The following NTM variants were observed in gnomAD, a reference collection of about 807,000 sequenced individuals.
NTM encodes the protein neurotrimin.
Under a neutral mutation model 42.1 loss-of-function variants are expected in NTM, and 13 were observed. The observed-to-expected ratio is 0.31, with a 90% CI of 0.20 to 0.49. The LOEUF (loss-of-function observed/expected upper bound fraction) is 0.49. Among genes scored for constraint, NTM ranks in the 20% least tolerant of loss-of-function variants. The pLI is 0.99. For synonymous variants in NTM, 187 were observed against 179.2 expected, an observed-to-expected ratio of 1.04 and a Z score of -0.35; for missense variants, 373 against 452.8, an observed-to-expected ratio of 0.82 and a Z score of 1.60.
At chr11:132,276,371 G>T (rs923024736) in intron 4 of NTM, among the ~76,000 whole-genome samples, 1 of 152,044 alleles carries the variant, frequency 6.6e-6, no homozygotes, top group African/African-American at 2.4e-5. Context: ...CGGGATTCTT[G>T]GATCATAAAA....
chr11:132,215,683 G>A (rs927198933), intron 4 of NTM, among the ~76,000 whole-genome samples: 7 of 152,142 alleles, frequency 4.6e-5, no homozygotes, highest in South Asian at 2.1e-4. Context: ...AATAATTTCC[G>A]TATATTATTA....
intron 1 of NTM, among the ~76,000 whole-genome samples, chr11:131,730,136 G>A (rs970890431): frequency 1.3e-5 from 2 of 152,168 alleles, no homozygotes; most frequent in Non-Finnish European, 2.9e-5. Context: ...ATCCTAGTGG[G>A]TGTAAAGTGG....
At position 131,458,577 on chromosome 11, in the gene NTM, G is replaced by A. The variant is rs145689817; in HGVS notation, c.82+87689G>A. On this transcript the variant is annotated intron_variant, in intron 1 of 8. Coordinates refer to ENST00000683400, the MANE Select transcript of NTM (RefSeq NM_001352005.2). ...ACACCCAGCAGGATTTTCATGACGT[G>A]TGTTACTGTCTGTCACTTAGGATAG... Among the ~76,000 whole-genome samples, 70 of 152,276 alleles carry A rather than the reference G, an allele frequency of 4.6e-4. 1 individual carries two copies. The highest frequency in any genetic ancestry group is 1.7e-3 in the African/African-American group (70 of 41,546).
rs2089901793 is a variant in NTM, at chr11:131,789,441, A to AGAAGAAGAAGAAG, written c.83-122122_83-122110dup. Reference sequence around the variant, plus strand: ...AAAAAAAGAAGAAGGAAGAAGAAGAAGAAGAAGAAGAAGAAGAAGAAGAAG... The same window carrying AGAAGAAGAAGAAG: ...AAAAAAAGAAGAAGGAAGAAGAAGAAGAAGAAGAAGAAGGAAGAAGAAGAAGAAGAAGAAGAAG... On this transcript the variant is annotated intron_variant, in intron 1 of 8. Transcript: ENST00000683400. 2.0e-4 allele frequency among the ~76,000 whole-genome samples: 2 copies of AGAAGAAGAAGAAG among 9,866 alleles called. 1 individual carries two copies. The highest frequency in any genetic ancestry group is 4.0e-4 in the Non-Finnish European group (2 of 5,054). The allele number at this position is 9,866 out of a possible 152,430, so 6.5% of individuals were successfully genotyped here.
intron 1 of NTM, among the ~76,000 whole-genome samples, chr11:131,843,029 A>G (rs1456919612): frequency 6.6e-6 from 1 of 152,044 alleles, no homozygotes; most frequent in Non-Finnish European, 1.5e-5. Context: ...ATAAATAAAT[A>G]AATAAATATA....
intron 1 of NTM, among the ~76,000 whole-genome samples, chr11:131,424,475 A>T (rs1321285520): frequency 2.0e-5 from 3 of 151,734 alleles, no homozygotes; most frequent in East Asian, 3.9e-4. Flanking sequence ...TCCTCAAGTT[A>T]TTTCAGATAA....
chr11:131,701,743 G>A (rs755611535), intron 1 of NTM, among the ~76,000 whole-genome samples: 18 of 152,192 alleles, frequency 1.2e-4, no homozygotes, highest in Non-Finnish European at 2.4e-4. Flanking sequence ...TGGGGTCCTA[G>A]GGCATGAGGG....
chr11:131,968,228 C>T (rs2063082748), intron 2 of NTM, among the ~76,000 whole-genome samples: 2 of 152,206 alleles, frequency 1.3e-5, no homozygotes, highest in Non-Finnish European at 2.9e-5. Flanking sequence ...CAGGCTGTGA[C>T]TTGCTCATGT....
At chr11:131,467,855 G>A (rs1952043218) in intron 1 of NTM, among the ~76,000 whole-genome samples, 1 of 152,212 alleles carries the variant, frequency 6.6e-6, no homozygotes, top group Non-Finnish European at 1.5e-5. Flanking sequence ...TGACCTCTGA[G>A]TGAGCTGTTC....
At chr11:131,469,313 C>T (rs188845) in intron 1 of NTM, among the ~76,000 whole-genome samples, 149,265 of 152,352 alleles carry the variant, frequency 0.98, 73,141 homozygotes, top group East Asian at 1. Flanking sequence ...TATTATCTCA[C>T]TTAATTCTCA....
chr11:132,040,825 T>C lies in NTM; in HGVS notation c.168-105457T>C, dbSNP rs564383102. Among the ~76,000 whole-genome samples, 20 of 152,372 alleles carry C rather than the reference T, an allele frequency of 1.3e-4. No homozygotes were observed. The East Asian group carries it at 3.7e-3, about 28-fold the overall frequency. On this transcript the variant is annotated intron_variant, in intron 2 of 8. Coordinates refer to ENST00000683400, the MANE Select transcript of NTM (RefSeq NM_001352005.2). ...TGAGGATTTTTATCTGTGCATGTTCTTTGATTTCAGATTAGGATTCTCAAC... is the reference window on the plus strand; with the variant it reads ...TGAGGATTTTTATCTGTGCATGTTCCTTGATTTCAGATTAGGATTCTCAAC...
At chr11:131,776,060 C>T (rs1472349136) in intron 1 of NTM, among the ~76,000 whole-genome samples, 1 of 152,104 alleles carries the variant, frequency 6.6e-6, no homozygotes. Context: ...ATCTCTGGCC[C>T]CTGTGTCTCT....
At chr11:131,730,324 A>G (rs78850805) in intron 1 of NTM, among the ~76,000 whole-genome samples, 6,128 of 152,298 alleles carry the variant, frequency 0.04, 412 homozygotes, top group African/African-American at 0.14. Flanking sequence ...ACATAAAGAC[A>G]TGGACACATA....
At chr11:132,269,017 T>C (rs1591639710) in intron 4 of NTM, among the ~76,000 whole-genome samples, 1 of 152,070 alleles carries the variant, frequency 6.6e-6, no homozygotes, top group South Asian at 2.1e-4. Flanking sequence ...TCCCCTGCAT[T>C]CCAAAGCAAG....
chr11:131,973,797 A>G (rs1240192395), intron 2 of NTM, among the ~76,000 whole-genome samples: 1 of 152,208 alleles, frequency 6.6e-6, no homozygotes, highest in African/African-American at 2.4e-5. Context: ...ACCCTGGGCG[A>G]CAGAGTGAGA....
Position 132,336,777 on chromosome 11 carries a change from G to A in NTM, c.*1631G>A, listed in dbSNP as rs930859377. 1 of 152,000 alleles carries A rather than the reference G, an allele frequency of 6.6e-6. No individual in the cohort carries two copies. The highest frequency in any genetic ancestry group is 1.5e-5 in the Non-Finnish European group (1 of 68,010). The allele number at this position is 152,000 out of a possible 1,614,324, so 9.4% of individuals were successfully genotyped here. On this transcript the variant is annotated 3_prime_UTR_variant, in exon 9 of 9. Transcript: ENST00000683400. ...GGGATTGGGGGATCCGGGAGGGTGG[G>A]GTTGTCTCTGACTTGACATTAAAAA...
At chr11:131,701,139 A>G (rs528268402) in intron 1 of NTM, among the ~76,000 whole-genome samples, 1 of 152,352 alleles carries the variant, frequency 6.6e-6, no homozygotes, top group African/African-American at 2.4e-5. Flanking sequence ...AAAAAGCAAC[A>G]AGGGTTTTGC....
At chr11:131,443,543 C>G (rs1949788698) in intron 1 of NTM, among the ~76,000 whole-genome samples, 1 of 152,134 alleles carries the variant, frequency 6.6e-6, no homozygotes, top group Non-Finnish European at 1.5e-5. Flanking sequence ...ATGCATCGAG[C>G]CATCAGTGCA....
chr11:132,036,462 C>T (rs2076522899), intron 2 of NTM, among the ~76,000 whole-genome samples: 1 of 152,156 alleles, frequency 6.6e-6, no homozygotes, highest in Non-Finnish European at 1.5e-5. Context: ...CATGTTAATG[C>T]AGTGGCTGTT....
Sources: gnomAD v4.1 joint callset for allele counts (sites outside exome capture counted in the v4.1 genomes callset) on GRCh38, gnomAD v4.1.1 for gene constraint, MANE v1.5 for transcripts, NCBI Gene and HGNC (gene_info 2026-07-23, HGNC 2026-07-21) for gene names.